The following ANO6 variants were observed in gnomAD, a reference collection of about 807,000 sequenced individuals.
ANO6 encodes the protein anoctamin 6.
Under a neutral mutation model 117.5 loss-of-function variants are expected in ANO6, and 106 were observed. That is an observed-to-expected ratio of 0.90 (90% CI 0.77 to 1.06). ANO6 has a LOEUF of 1.06. Ranked by LOEUF, ANO6 falls within the 50% of genes least tolerant of loss-of-function variation. The probability of loss-of-function intolerance (pLI) is 0.00; values close to 1 mark genes in which losing one functional copy is unlikely to be tolerated. For synonymous variants in ANO6, 367 were observed against 385.1 expected (o/e 0.95, Z 0.55); for missense variants, 955 against 1,121.1 (o/e 0.85, Z 2.12).
rs898041845 is a variant in ANO6 at position 45,388,188 on chromosome 12, G to A, written c.1193G>A (p.Arg398Gln). The A allele has an allele frequency of 1.9e-6, 3 of 1,613,938 alleles. No homozygotes were observed. Among genetic ancestry groups the A allele is most frequent in the Non-Finnish European group, 2.5e-6 (3 of 1,179,896 alleles). The change falls in exon 11 of 20, where the codon CGA (arginine) becomes CAA (glutamine). Residue 398 changes from arginine to glutamine, a missense_variant. Transcript: ENST00000320560. Reference protein sequence around the residue: ...WVTLFLEFWKRRQAELEYEWD... With the variant: ...WVTLFLEFWKQRQAELEYEWD... Reference sequence around the variant, plus strand: ...ACCTTGTTTTTGGAGTTTTGGAAGCGACGCCAGGCAGAACTTGAGTATGAA... The same window carrying A: ...ACCTTGTTTTTGGAGTTTTGGAAGCAACGCCAGGCAGAACTTGAGTATGAA...
At chr12:45,293,570 T>A (rs180804246) in intron 1 of ANO6, among the ~76,000 whole-genome samples, 7 of 151,980 alleles carry the variant, frequency 4.6e-5, no homozygotes. Context: ...TTATATTATA[T>A]TTTATTTTTT....
intron 16 of ANO6, 108 bp from the exon 17 acceptor site, chr12:45,416,591 T>C (rs1943219124): frequency 4.1e-6 from 4 of 983,100 alleles, no homozygotes; most frequent in Non-Finnish European, 4.8e-6. Flanking sequence ...ACAGATGTGT[T>C]TTCTCTCTGG....
At chr12:45,274,117 T>G (rs1289530278) in intron 1 of ANO6, among the ~76,000 whole-genome samples, 1 of 152,148 alleles carries the variant, frequency 6.6e-6, no homozygotes, top group East Asian at 1.9e-4. Flanking sequence ...GCCCCTAAAC[T>G]TTGGAGCACC....
intron 11 of ANO6, among the ~76,000 whole-genome samples, chr12:45,388,685 G>A (rs1415892970): frequency 2.0e-5 from 3 of 152,100 alleles, no homozygotes; most frequent in Non-Finnish European, 4.4e-5. Flanking sequence ...CATTATTCCA[G>A]CCCCTTATTC....
At chr12:45,292,596 G>A (rs1939139092) in intron 1 of ANO6, 4 of 1,033,778 alleles carry the variant, frequency 3.9e-6, no homozygotes, top group Non-Finnish European at 4.7e-6. Context: ...ATCCAGTTGT[G>A]TGTGAGAATC....
chr12:45,223,866 G>A (rs1052828769), intron 1 of ANO6, among the ~76,000 whole-genome samples: 1 of 152,140 alleles, frequency 6.6e-6, no homozygotes, highest in East Asian at 1.9e-4. Flanking sequence ...CACCTTGGTA[G>A]GAGCCAAGCA....
At chr12:45,333,089 A>G (rs1940721518) in intron 3 of ANO6, among the ~76,000 whole-genome samples, 1 of 152,018 alleles carries the variant, frequency 6.6e-6, no homozygotes, top group South Asian at 2.1e-4. Flanking sequence ...AATCAATGGC[A>G]TCTTAGATTC....
intron 19 of ANO6, among the ~76,000 whole-genome samples, chr12:45,427,130 A>G (rs929079058): frequency 1.3e-5 from 2 of 151,880 alleles, no homozygotes; most frequent in Non-Finnish European, 2.9e-5. Flanking sequence ...GCTATATCCA[A>G]TCTGGTTGGC....
At chr12:45,272,975 T>C (rs1187742296) in intron 1 of ANO6, among the ~76,000 whole-genome samples, 1 of 152,124 alleles carries the variant, frequency 6.6e-6, no homozygotes, top group Non-Finnish European at 1.5e-5. Flanking sequence ...TATTCAGCCT[T>C]AAAAAAGAAG....
intron 19 of ANO6, among the ~76,000 whole-genome samples, chr12:45,425,021 T>G (rs937245578): frequency 6.6e-6 from 1 of 152,170 alleles, no homozygotes; most frequent in Non-Finnish European, 1.5e-5. Flanking sequence ...CTCAAGGGTT[T>G]GTTTGAACTG....
chr12:45,383,795 A>G (rs1942226792), intron 10 of ANO6, among the ~76,000 whole-genome samples: 1 of 152,238 alleles, frequency 6.6e-6, no homozygotes, highest in Admixed American at 6.5e-5. Context: ...GATTACAGGC[A>G]GAGTAGATTT....
rs1013845723 is a variant in ANO6 at position 45,430,120 on chromosome 12, C to T, written c.*809C>T. 2 of 985,278 alleles carry T rather than the reference C, an allele frequency of 2.0e-6. No homozygotes were observed. Among genetic ancestry groups the T allele is most frequent in the African/African-American group, 3.5e-5 (2 of 57,230 alleles). The allele number at this position is 985,278 out of a possible 1,614,324, so 61.0% of individuals were successfully genotyped here. On this transcript the variant is annotated 3_prime_UTR_variant, in exon 20 of 20. Coordinates refer to ENST00000320560, the MANE Select transcript of ANO6 (RefSeq NM_001025356.3). ...AAACAGCATTTTAACTCATGTTGATCTGGATAATTAATCTTTTCTAAAGAT... is the reference window on the plus strand; with the variant it reads ...AAACAGCATTTTAACTCATGTTGATTTGGATAATTAATCTTTTCTAAAGAT...
intron 1 of ANO6, among the ~76,000 whole-genome samples, chr12:45,216,836 C>G (rs754484064): frequency 1.3e-5 from 2 of 152,176 alleles, no homozygotes; most frequent in Admixed American, 6.5e-5. Context: ...TCTGAATCCT[C>G]GTTAAAGTAA....
At chr12:45,390,937 A>G (rs758089571) in intron 12 of ANO6, among the ~76,000 whole-genome samples, 2 of 152,170 alleles carry the variant, frequency 1.3e-5, no homozygotes, top group Non-Finnish European at 2.9e-5. Context: ...CCTGGCCAAC[A>G]TGATGAAACC....
intron 1 of ANO6, among the ~76,000 whole-genome samples, chr12:45,269,785 G>A (rs1938335168): frequency 6.6e-6 from 1 of 152,190 alleles, no homozygotes; most frequent in South Asian, 2.1e-4. Context: ...GTGTGGTACA[G>A]TCCCGTTTAA....
At chr12:45,234,927 C>T (rs1947624651) in intron 1 of ANO6, among the ~76,000 whole-genome samples, 1 of 152,170 alleles carries the variant, frequency 6.6e-6, no homozygotes, top group Admixed American at 6.5e-5. Flanking sequence ...TGCCTAGGAC[C>T]TCAGTCTCTT....
chr12:45,423,905 G>A (rs1943428961), intron 19 of ANO6, among the ~76,000 whole-genome samples: 1 of 152,166 alleles, frequency 6.6e-6, no homozygotes, highest in Admixed American at 6.5e-5. Flanking sequence ...ACTATAGCAT[G>A]TGGTTTTCCT....
chr12:45,388,569 A>AT (rs1275891572), intron 11 of ANO6, among the ~76,000 whole-genome samples: 8 of 152,196 alleles, frequency 5.3e-5, no homozygotes, highest in Admixed American at 5.2e-4. Context: ...CCCTTCTTTC[A>AT]TAAAAACAGT....
Position 45,232,228 on chromosome 12 carries a change from G to A in ANO6, c.70+15837G>A, listed in dbSNP as rs150407590. Among the ~76,000 whole-genome samples the A allele has an allele frequency of 8.1e-4, 124 of 152,278 alleles. 1 individual carries two copies. The highest frequency in any genetic ancestry group is 2.9e-3 in the African/African-American group (119 of 41,570). On this transcript the variant is annotated intron_variant, in intron 1 of 19. Coordinates refer to ENST00000320560, the MANE Select transcript of ANO6 (RefSeq NM_001025356.3). ...AAGTGATAAAATAAAAACTAAAAATGTACACAGAAATGCATTCATTTACCT... is the reference window on the plus strand; with the variant it reads ...AAGTGATAAAATAAAAACTAAAAATATACACAGAAATGCATTCATTTACCT...
Sources: allele counts gnomAD v4.1 joint callset (sites outside exome capture counted in the v4.1 genomes callset), GRCh38; gene constraint gnomAD v4.1.1; transcripts MANE v1.5; gene names NCBI Gene and HGNC (gene_info 2026-07-23, HGNC 2026-07-21).